The following CTNNA2 variants were observed in gnomAD, a reference collection of about 807,000 sequenced individuals.
CTNNA2 encodes catenin alpha-2.
In CTNNA2, 42 loss-of-function variants were observed where a neutral mutation model predicts 101.0. The observed-to-expected ratio is 0.42, with a 90% CI of 0.32 to 0.54. CTNNA2 has a LOEUF of 0.54. Ranked by LOEUF, CTNNA2 falls within the 20% of genes least tolerant of loss-of-function variation. CTNNA2 has a pLI of 0.14. For missense variants in CTNNA2, 871 were observed against 1,223.1 expected, an observed-to-expected ratio of 0.71 and a Z score of 4.29; for synonymous variants, 450 against 456.4, an observed-to-expected ratio of 0.99 and a Z score of 0.18.
chr2:79,593,730 C>T (rs897688998), intron 1 of CTNNA2, among the ~76,000 whole-genome samples: 7 of 152,008 alleles, frequency 4.6e-5, no homozygotes, highest in Admixed American at 2.0e-4. Context: ...AGCAAAATTC[C>T]GATACTTGTT....
chr2:80,344,187 C>T (rs1357586905), intron 7 of CTNNA2, among the ~76,000 whole-genome samples: 1 of 152,126 alleles, frequency 6.6e-6, no homozygotes, highest in Non-Finnish European at 1.5e-5. Flanking sequence ...CCGGAACTCA[C>T]AAGCTCCTGA....
chr2:79,888,755 T>C (rs1684080730), intron 6 of CTNNA2, among the ~76,000 whole-genome samples: 1 of 152,212 alleles, frequency 6.6e-6, no homozygotes, highest in Admixed American at 6.5e-5. Flanking sequence ...TTGAGAATAT[T>C]GACAGATTCT....
intron 3 of CTNNA2, among the ~76,000 whole-genome samples, chr2:79,770,215 A>G (rs1673475080): frequency 6.6e-6 from 1 of 152,218 alleles, no homozygotes; most frequent in Non-Finnish European, 1.5e-5. Flanking sequence ...TAAAAGGTCA[A>G]TAATGCTGAG....
chr2:80,427,418 G>A (rs1681090854), intron 9 of CTNNA2, among the ~76,000 whole-genome samples: 1 of 152,190 alleles, frequency 6.6e-6, no homozygotes, highest in East Asian at 1.9e-4. Flanking sequence ...CCAAAGTTGT[G>A]TCCCTAACTC....
chr2:80,451,139 T>G (rs896569916), intron 9 of CTNNA2, among the ~76,000 whole-genome samples: 1 of 152,062 alleles, frequency 6.6e-6, no homozygotes, highest in Non-Finnish European at 1.5e-5. Flanking sequence ...GAGTCATGTC[T>G]TATAATACTG....
At chr2:79,969,362 G>A (rs943862062) in intron 7 of CTNNA2, among the ~76,000 whole-genome samples, 3 of 152,154 alleles carry the variant, frequency 2.0e-5, no homozygotes, top group Non-Finnish European at 4.4e-5. Context: ...GAAATTCAAG[G>A]ACAGCAAATT....
rs149507461 is a variant in CTNNA2 at position 80,193,752 on chromosome 2, A to G, written c.1057-199459A>G. Reference sequence around the variant, plus strand: ...AGAGCTCCAGGAATTAGAGAAGGTCATTTTCTTTTCCTCCTCCACCTCTCA... The same window carrying G: ...AGAGCTCCAGGAATTAGAGAAGGTCGTTTTCTTTTCCTCCTCCACCTCTCA... On this transcript the variant is annotated intron_variant, in intron 7 of 18. Transcript: ENST00000402739. Among the ~76,000 whole-genome samples the G allele has an allele frequency of 4.6e-3, 693 of 152,138 alleles. 4 individuals carry two copies. The highest frequency in any genetic ancestry group is 0.016 in the African/African-American group (653 of 41,502).
chr2:79,909,626 C>T lies in CTNNA2; in HGVS notation c.885C>T (p.Ser295=). ...NKIILDPMTF[S]EARFRPSLEE... Reference sequence around the variant, plus strand: ...TTATCCTGGACCCCATGACGTTCAGCGAGGCCAGGTTCCGGCCGTCCCTGG... The same window carrying T: ...TTATCCTGGACCCCATGACGTTCAGTGAGGCCAGGTTCCGGCCGTCCCTGG... The change falls in exon 7 of 19, where the codon AGC becomes AGT. Residue 295 remains serine, a synonymous_variant. Coordinates refer to ENST00000402739, the MANE Select transcript of CTNNA2 (RefSeq NM_001282597.3). 6.2e-7 allele frequency: 1 copy of T among 1,612,634 alleles called. No homozygotes were observed. The highest frequency in any genetic ancestry group is 1.3e-5 in the African/African-American group (1 of 75,018).
intron 7 of CTNNA2, among the ~76,000 whole-genome samples, chr2:80,095,045 A>G (rs1700056614): frequency 6.6e-6 from 1 of 152,116 alleles, no homozygotes; most frequent in Non-Finnish European, 1.5e-5. Context: ...ACTATGTTGA[A>G]TAGGAGTGGT....
chr2:80,507,304 ACT>A (rs35436512), intron 9 of CTNNA2, among the ~76,000 whole-genome samples: 100,025 of 151,644 alleles, frequency 0.66, 33,412 homozygotes, highest in South Asian at 0.68. Context: ...CACCTAGGCA[ACT>A]CTTTTATTTA....
At chr2:80,534,284 C>T (rs183272486) in intron 9 of CTNNA2, among the ~76,000 whole-genome samples, 5 of 152,024 alleles carry the variant, frequency 3.3e-5, no homozygotes, top group Non-Finnish European at 7.4e-5. Context: ...CTTCGTTGTA[C>T]CATGTGGCAG....
chr2:79,740,480 C>T (rs1671215677), intron 2 of CTNNA2, among the ~76,000 whole-genome samples: 1 of 151,904 alleles, frequency 6.6e-6, no homozygotes, highest in African/African-American at 2.4e-5. Context: ...CACAAAAAGC[C>T]CTAATATGCA....
chr2:80,559,900 A>C (rs1232548316), intron 12 of CTNNA2, among the ~76,000 whole-genome samples: 1 of 151,306 alleles, frequency 6.6e-6, no homozygotes, highest in Non-Finnish European at 1.5e-5. Flanking sequence ...ATACACACAC[A>C]TACAGTAGCT....
At chr2:80,438,761 G>A (rs1354117191) in intron 9 of CTNNA2, among the ~76,000 whole-genome samples, 1 of 152,218 alleles carries the variant, frequency 6.6e-6, no homozygotes, top group Non-Finnish European at 1.5e-5. Context: ...CCTTTAGGTA[G>A]TGGATGCAGA....
intron 7 of CTNNA2, among the ~76,000 whole-genome samples, chr2:80,281,106 GT>G (rs1205074674): frequency 6.6e-6 from 1 of 152,106 alleles, no homozygotes; most frequent in Non-Finnish European, 1.5e-5. Context: ...CTGCCTCTTG[GT>G]TTCATTGATC....
At chr2:80,587,387 TAATG>T (rs1483063002) in intron 14 of CTNNA2, among the ~76,000 whole-genome samples, 2 of 152,150 alleles carry the variant, frequency 1.3e-5, no homozygotes, top group African/African-American at 4.8e-5. Flanking sequence ...AAAGGCAAAT[TAATG>T]GCAGCAGTTA....
intron 6 of CTNNA2, among the ~76,000 whole-genome samples, chr2:79,899,045 G>A (rs1684900210): frequency 6.6e-6 from 1 of 152,140 alleles, no homozygotes; most frequent in Admixed American, 6.6e-5. Context: ...GTAAAGCATA[G>A]GGGAGGCTTA....
chr2:80,438,611 TA>T (rs905650340), intron 9 of CTNNA2, among the ~76,000 whole-genome samples: 31 of 152,188 alleles, frequency 2.0e-4, no homozygotes, highest in African/African-American at 6.3e-4. Flanking sequence ...TCACCTTATT[TA>T]AAAATATCTT....
chr2:80,219,451 C>A (rs1384631012), intron 7 of CTNNA2, among the ~76,000 whole-genome samples: 1 of 152,156 alleles, frequency 6.6e-6, no homozygotes, highest in Non-Finnish European at 1.5e-5. Context: ...TTTGATTCAA[C>A]CTCTTTGAAT....
Sources: gnomAD v4.1 joint callset for allele counts (sites outside exome capture counted in the v4.1 genomes callset) on GRCh38, gnomAD v4.1.1 for gene constraint, MANE v1.5 for transcripts, NCBI Gene and HGNC (gene_info 2026-07-23, HGNC 2026-07-21) for gene names.